The following DACH2 variants were observed in gnomAD, a reference collection of about 807,000 sequenced individuals.
The protein encoded by DACH2 is dachshund family transcription factor 2.
Under a neutral mutation model 35.8 loss-of-function variants are expected in DACH2, and 17 were observed. That is an observed-to-expected ratio of 0.48 (90% CI 0.33 to 0.71). DACH2 has a LOEUF of 0.71. Ranked by LOEUF, DACH2 falls within the 30% of genes least tolerant of loss-of-function variation. The pLI is 0.02. For synonymous variants in DACH2, 195 were observed against 177.3 expected, an observed-to-expected ratio of 1.10 and a Z score of -0.79; for missense variants, 469 against 472.7, an observed-to-expected ratio of 0.99 and a Z score of 0.07.
intron 1 of DACH2, among the ~76,000 whole-genome samples, chrX:86,288,210 GTTC>G (rs1569331228): frequency 8.9e-6 from 1 of 111,862 alleles, no homozygotes; most frequent in African/African-American, 3.3e-5. Context: ...AGAGATTTTT[GTTC>G]TTCTCCCTTA....
At chrX:86,580,377 A>C (rs1444146279) in intron 3 of DACH2, among the ~76,000 whole-genome samples, 1 of 111,607 alleles carries the variant, frequency 9.0e-6, no homozygotes, top group Admixed American at 9.5e-5. Flanking sequence ...TATTGAACTT[A>C]ACTATGCTGA....
chrX:86,177,101 A>AT (rs1311279272), intron 1 of DACH2, among the ~76,000 whole-genome samples: 2 of 112,001 alleles, frequency 1.8e-5, no homozygotes, highest in Non-Finnish European at 3.8e-5. Context: ...CACCTCAAGC[A>AT]TATGTCCTTT....
intron 1 of DACH2, among the ~76,000 whole-genome samples, chrX:86,310,848 C>G (rs2034785765): frequency 9.0e-6 from 1 of 111,270 alleles, no homozygotes; most frequent in Non-Finnish European, 1.9e-5. Flanking sequence ...GTTTAATAAT[C>G]AAGTGGATAG....
chrX:86,213,730 T>C (rs1168049152), intron 1 of DACH2, among the ~76,000 whole-genome samples: 1 of 110,652 alleles, frequency 9.0e-6, no homozygotes, highest in Non-Finnish European at 1.9e-5. Context: ...TGACTTAAAT[T>C]ACCACCTCGT....
chrX:86,541,915 G>C (rs2038889207), intron 3 of DACH2, among the ~76,000 whole-genome samples: 1 of 111,596 alleles, frequency 9.0e-6, no homozygotes, highest in African/African-American at 3.3e-5. Context: ...CTTAACCCCT[G>C]AGTGGTTAAA....
chrX:86,732,909 A>G (rs1349431617), intron 6 of DACH2, among the ~76,000 whole-genome samples: 1 of 111,282 alleles, frequency 9.0e-6, no homozygotes, highest in East Asian at 2.8e-4. Context: ...CCACCATTAA[A>G]TTCACCTACA....
intron 1 of DACH2, 33 bp downstream of exon 1, chrX:86,149,141 T>G: frequency 2.6e-6 from 3 of 1,154,789 alleles, no homozygotes; most frequent in Non-Finnish European, 3.5e-6. Flanking sequence ...CTCCCACTTC[T>G]CTTACCCCTT....
At chrX:86,490,461 G>A (rs913542210) in intron 2 of DACH2, among the ~76,000 whole-genome samples, 12 of 111,218 alleles carry the variant, frequency 1.1e-4, no homozygotes, top group Admixed American at 8.7e-4. Flanking sequence ...AAGCAAAAGG[G>A]GAGATGGCTC....
chrX:86,654,216 G>T (rs1390627507), intron 4 of DACH2, among the ~76,000 whole-genome samples: 2 of 63,994 alleles, frequency 3.1e-5, no homozygotes, highest in East Asian at 4.6e-4. Flanking sequence ...AAAAAAAAAC[G>T]CAATTAAAGA....
chrX:86,261,447 C>T (rs535571324), intron 1 of DACH2, among the ~76,000 whole-genome samples: 86 of 111,987 alleles, frequency 7.7e-4, no homozygotes, highest in African/African-American at 2.6e-3. Context: ...TGGCTCTTAT[C>T]CTTTTTCTCT....
At chrX:86,794,045 G>T (rs2042212694) in intron 7 of DACH2, among the ~76,000 whole-genome samples, 1 of 111,530 alleles carries the variant, frequency 9.0e-6, no homozygotes, top group African/African-American at 3.3e-5. Flanking sequence ...ATTTAAACAG[G>T]TGCTATGGGA....
intron 3 of DACH2, among the ~76,000 whole-genome samples, chrX:86,566,042 G>A (rs1240060203): frequency 4.5e-5 from 5 of 111,759 alleles, no homozygotes; most frequent in Non-Finnish European, 9.4e-5. Context: ...AACACTGTGT[G>A]TTAAATGCAA....
Position 86,485,404 on chromosome X carries a change from G to A in DACH2, c.528-28875G>A, listed in dbSNP as rs908678252. Among the ~76,000 whole-genome samples, 5 of 111,441 alleles carry A rather than the reference G, an allele frequency of 4.5e-5. No homozygotes were observed. In the East Asian group the frequency reaches 1.4e-3, roughly 31 times the overall value. On this transcript the variant is annotated intron_variant, in intron 2 of 11. Coordinates refer to ENST00000373125, the MANE Select transcript of DACH2 (RefSeq NM_053281.3). ...GCTAAAGGGGACTGGAGAAAGATTG[G>A]TCAATGGGTACAAACCTACAGTTAG...
At chrX:86,401,088 CT>C (rs2148131414) in intron 2 of DACH2, among the ~76,000 whole-genome samples, 1 of 112,057 alleles carries the variant, frequency 8.9e-6, no homozygotes, top group African/African-American at 3.2e-5. Context: ...GCAGGCGCTC[CT>C]CCCCCAGCCT....
intron 1 of DACH2, among the ~76,000 whole-genome samples, chrX:86,290,633 CTG>C (rs1454907253): frequency 6.5e-5 from 7 of 108,266 alleles, no homozygotes; most frequent in Admixed American, 3.0e-4. Context: ...TTTCAGCTTT[CTG>C]CATATGGCTA....
chrX:86,562,799 C>A (rs762868185), intron 3 of DACH2, among the ~76,000 whole-genome samples: 1 of 111,522 alleles, frequency 9.0e-6, no homozygotes, highest in Admixed American at 9.6e-5. Context: ...GTTATTATTT[C>A]TAATGACTAC....
chrX:86,193,815 G>T, intron 1 of DACH2, among the ~76,000 whole-genome samples: 1 of 109,822 alleles, frequency 9.1e-6, no homozygotes, highest in East Asian at 2.8e-4. Context: ...ACAACTAACT[G>T]CAGGTTTAAT....
At chrX:86,707,972 C>T (rs983755743) in intron 5 of DACH2, among the ~76,000 whole-genome samples, 4 of 97,159 alleles carry the variant, frequency 4.1e-5, no homozygotes, top group African/African-American at 7.8e-5. Context: ...AAGTATGCAA[C>T]GGTAGCTCAA....
rs187275350 is a variant in DACH2 at position 86,632,890 on chromosome X, A to G, written c.641-18146A>G. ...GATGGAAATTAAAAACTTTTCTAAA[A>G]CAAAAATGAAGATGCAATATACTAA... On this transcript the variant is annotated intron_variant, in intron 3 of 11. Transcript: ENST00000373125. Among the ~76,000 whole-genome samples the G allele has an allele frequency of 3.6e-3, 399 of 110,999 alleles. 1 individual carries two copies. The highest frequency in any genetic ancestry group is 5.7e-3 in the Non-Finnish European group (303 of 52,935).
Sources: allele counts gnomAD v4.1 joint callset (sites outside exome capture counted in the v4.1 genomes callset), GRCh38; gene constraint gnomAD v4.1.1; transcripts MANE v1.5; gene names NCBI Gene and HGNC (gene_info 2026-07-23, HGNC 2026-07-21).